Variants in AEBP2 observed in about 807,000 individuals in gnomAD.
AEBP2 encodes zinc finger protein AEBP2.
AEBP2 carries 10 observed loss-of-function variants against 50.8 expected under a neutral mutation model. The observed-to-expected ratio is 0.20, with a 90% CI of 0.12 to 0.33. The LOEUF is 0.33. Among genes scored for constraint, AEBP2 ranks in the 10% least tolerant of loss-of-function variants. The pLI is 1.00. For synonymous variants in AEBP2, 296 were observed against 261.3 expected, an observed-to-expected ratio of 1.13 and a Z score of -1.28; for missense variants, 570 against 688.0, an observed-to-expected ratio of 0.83 and a Z score of 1.92.
At chr12:19,429,626 C>T (rs1287352068) in intron 1 of AEBP2, among the ~76,000 whole-genome samples, 2 of 152,182 alleles carry the variant, frequency 1.3e-5, no homozygotes, top group African/African-American at 4.8e-5. Context: ...TCTCCACATC[C>T]TCTCCAGCAC....
At chr12:19,426,127 G>A (rs185766896) in intron 1 of AEBP2, among the ~76,000 whole-genome samples, 1 of 152,158 alleles carries the variant, frequency 6.6e-6, no homozygotes, top group Admixed American at 6.6e-5. Context: ...GTAGAAACGG[G>A]GTTTCACCAT....
intron 1 of AEBP2, among the ~76,000 whole-genome samples, chr12:19,428,398 G>T (rs2095749689): frequency 6.6e-6 from 1 of 152,214 alleles, no homozygotes; most frequent in Non-Finnish European, 1.5e-5. Context: ...GGTATGCATG[G>T]CTGAGGTTGC....
chr12:19,442,890 T>C (rs1947987990), intron 1 of AEBP2, among the ~76,000 whole-genome samples: 1 of 152,224 alleles, frequency 6.6e-6, no homozygotes, highest in African/African-American at 2.4e-5. Flanking sequence ...GTGGATTTTA[T>C]AGGTTGATTT....
At chr12:19,418,564 T>G (rs2095743877) in intron 1 of AEBP2, among the ~76,000 whole-genome samples, 1 of 152,036 alleles carries the variant, frequency 6.6e-6, no homozygotes, top group Admixed American at 6.6e-5. Context: ...TTCAACTAAC[T>G]GCCAATCAGA....
rs143474508 is a variant in AEBP2, at chr12:19,504,388, C to T, written c.1299+4167C>T. Among the ~76,000 whole-genome samples the T allele has an allele frequency of 4.7e-3, 702 of 148,434 alleles. 5 individuals are homozygous for T. The highest frequency in any genetic ancestry group is 0.017 in the African/African-American group (677 of 40,660). On this transcript the variant is annotated intron_variant, in intron 5 of 7. Transcript: ENST00000266508. ...TAGCTGGGAATACAGGCGCCCCCCC[C>T]ACCACGCCTGGCTAATTTTTTTGTA...
intron 1 of AEBP2, among the ~76,000 whole-genome samples, chr12:19,455,339 G>A (rs1226594866): frequency 3.3e-5 from 5 of 152,072 alleles, no homozygotes; most frequent in African/African-American, 1.2e-4. Context: ...TTGCTATTTG[G>A]TAATAAGACA....
chr12:19,456,614 G>A lies in AEBP2; in HGVS notation c.672-5896G>A, dbSNP rs1948273760. On this transcript the variant is annotated intron_variant, in intron 1 of 7. Coordinates refer to ENST00000266508, the MANE Select transcript of AEBP2 (RefSeq NM_153207.5). ...GGTTCAGGATAATCACCTGAGCAGT[G>A]AAGCCAGCCGCTTCCATTGGTGGGT... 5 of 1,526,300 alleles carry A rather than the reference G, an allele frequency of 3.3e-6. No individual in the cohort carries two copies. The East Asian group carries it at 9.0e-5, about 28-fold the overall frequency. 94.5% of individuals were successfully genotyped at this position (1,526,300 alleles called of 1,614,324 possible).
intron 1 of AEBP2, chr12:19,457,748 C>G (rs1243462356): frequency 4.8e-6 from 3 of 631,394 alleles, no homozygotes; most frequent in Non-Finnish European, 6.8e-6. Context: ...TCGGTTCCTA[C>G]TAGTCAAAAT....
At chr12:19,429,315 T>C (rs562911772) in intron 1 of AEBP2, among the ~76,000 whole-genome samples, 12 of 152,314 alleles carry the variant, frequency 7.9e-5, no homozygotes, top group Middle Eastern at 3.4e-3. Context: ...ACTCATCCTT[T>C]TTTATGGCTG....
chr12:19,492,262 G>A (rs79666264), intron 3 of AEBP2, among the ~76,000 whole-genome samples: 403 of 152,220 alleles, frequency 2.6e-3, no homozygotes, highest in African/African-American at 9.3e-3. Flanking sequence ...CGATTCATTT[G>A]TTAGAAGACC....
intron 1 of AEBP2, among the ~76,000 whole-genome samples, chr12:19,423,957 T>A (rs913984614): frequency 6.6e-6 from 1 of 152,156 alleles, no homozygotes; most frequent in African/African-American, 2.4e-5. Flanking sequence ...CCAGTATAAT[T>A]AAGGGTCCCA....
At chr12:19,481,851 T>C (rs1026975047) in intron 3 of AEBP2, among the ~76,000 whole-genome samples, 3 of 152,216 alleles carry the variant, frequency 2.0e-5, no homozygotes, top group Admixed American at 1.3e-4. Context: ...CTTTATGATA[T>C]TTTTTCTCTG....
chr12:19,500,342 T>C, intron 5 of AEBP2, 121 bp downstream of exon 5: 2 of 1,034,640 alleles, frequency 1.9e-6, no homozygotes, highest in South Asian at 2.2e-5. Flanking sequence ...ACAAAACCTT[T>C]TGTTTTATCA....
At chr12:19,426,768 G>A (rs1013068098) in intron 1 of AEBP2, among the ~76,000 whole-genome samples, 3 of 151,510 alleles carry the variant, frequency 2.0e-5, no homozygotes, top group Non-Finnish European at 4.4e-5. Context: ...GCCGGCTGTG[G>A]TGTGCACCTG....
intron 1 of AEBP2, among the ~76,000 whole-genome samples, chr12:19,410,178 C>G (rs1349775404): frequency 6.6e-6 from 1 of 152,140 alleles, no homozygotes; most frequent in African/African-American, 2.4e-5. Flanking sequence ...TCTCATCCCC[C>G]GCTATGGTTG....
At chr12:19,501,039 C>A (rs760186107) in intron 5 of AEBP2, among the ~76,000 whole-genome samples, 1 of 152,048 alleles carries the variant, frequency 6.6e-6, no homozygotes, top group East Asian at 1.9e-4. Flanking sequence ...TTTAGGCTGA[C>A]AAAATACAGG....
chr12:19,488,651 T>G (rs77983667), intron 3 of AEBP2, among the ~76,000 whole-genome samples: 6,575 of 152,238 alleles, frequency 0.043, 323 homozygotes, highest in Admixed American at 0.14. Flanking sequence ...TCAGAAGGAC[T>G]TCTGGGAATA....
rs190541508 is a variant in AEBP2, at chr12:19,426,760, C to T, written c.-17+22544C>T. On this transcript the variant is annotated intron_variant, in intron 1 of 3. Transcript: ENST00000538425. ...CTCTACTAAAAATACAAAAATTAGC[C>T]GGCTGTGGTGTGCACCTGTAATCCC... Among the ~76,000 whole-genome samples the T allele has an allele frequency of 2.0e-4, 31 of 151,844 alleles. No homozygotes were observed. The East Asian group carries it at 3.5e-3, about 17-fold the overall frequency.
At chr12:19,420,855 AC>A (rs2095745312) in intron 1 of AEBP2, among the ~76,000 whole-genome samples, 1 of 151,706 alleles carries the variant, frequency 6.6e-6, no homozygotes, top group South Asian at 2.1e-4. Flanking sequence ...CATCTCCATC[AC>A]CCCACCCCAC....
Sources: gnomAD v4.1 joint callset for allele counts (sites outside exome capture counted in the v4.1 genomes callset) on GRCh38, gnomAD v4.1.1 for gene constraint, MANE v1.5 for transcripts, NCBI Gene and HGNC (gene_info 2026-07-23, HGNC 2026-07-21) for gene names.